GABRB2: variants seen among roughly 807,000 people sequenced by gnomAD.
GABRB2 encodes gamma-aminobutyric acid receptor subunit beta-2.
In GABRB2, 16 loss-of-function variants were observed where a neutral mutation model predicts 54.7. That is an observed-to-expected ratio of 0.29 (90% confidence interval 0.20 to 0.44). The LOEUF (loss-of-function observed/expected upper bound fraction) is 0.44, where lower values mean the gene tolerates loss of function less well. Ranked by LOEUF, GABRB2 falls within the 20% of genes least tolerant of loss-of-function variation. GABRB2 has a pLI of 1.00. For synonymous variants in GABRB2, 244 were observed against 233.8 expected (o/e 1.04, Z -0.40); for missense variants, 355 against 644.0 (o/e 0.55, Z 4.86).
intron 5 of GABRB2, among the ~76,000 whole-genome samples, chr5:161,337,539 T>C (rs1412122811): frequency 2.0e-5 from 3 of 152,096 alleles, no homozygotes; most frequent in African/African-American, 4.8e-5. Flanking sequence ...ACACCTACTA[T>C]GCATATCAGG....
At chr5:161,343,134 C>T (rs962422520) in intron 5 of GABRB2, among the ~76,000 whole-genome samples, 4 of 152,022 alleles carry the variant, frequency 2.6e-5, no homozygotes, top group African/African-American at 9.7e-5. Flanking sequence ...CGAAAGTGTT[C>T]CAAAGACACT....
intron 8 of GABRB2, 89 bp downstream of exon 8, chr5:161,330,794 C>T (rs757626807): frequency 6.4e-7 from 1 of 1,559,314 alleles, no homozygotes; most frequent in South Asian, 1.2e-5. Flanking sequence ...GGCTTGGTTT[C>T]CTCATTTGCT....
chr5:161,478,138 A>G (rs1332347425), intron 3 of GABRB2, among the ~76,000 whole-genome samples: 3 of 151,998 alleles, frequency 2.0e-5, no homozygotes, highest in East Asian at 1.9e-4. Context: ...CAAATAAACC[A>G]TATTAATCAC....
rs547275066 is a variant in GABRB2, at chr5:161,541,523, T to C, written c.237+3704A>G. ...AGCCAGCCATCTTCACTGATTACCT[T>C]GCATCTTCTGCATAAATTGCTGTAG... On this transcript the variant is annotated intron_variant, in intron 3 of 9. Transcript: ENST00000393959. Among the ~76,000 whole-genome samples the C allele has an allele frequency of 8.5e-5, 13 of 152,350 alleles. No individual in the cohort carries two copies. In the Middle Eastern group the frequency reaches 0.01, roughly 120 times the overall value.
chr5:161,314,195 G>A (rs1757958467), intron 9 of GABRB2, among the ~76,000 whole-genome samples: 1 of 152,216 alleles, frequency 6.6e-6, no homozygotes, highest in African/African-American at 2.4e-5. Context: ...TGCTTTCAAG[G>A]TGGCAGCTGG....
intron 4 of GABRB2, among the ~76,000 whole-genome samples, chr5:161,444,521 A>G (rs956700881): frequency 6.6e-6 from 1 of 152,186 alleles, no homozygotes; most frequent in African/African-American, 2.4e-5. Context: ...AGAATATCGC[A>G]GTGATTGCAA....
At chr5:161,412,462 C>T (rs1756544383) in intron 4 of GABRB2, among the ~76,000 whole-genome samples, 2 of 152,292 alleles carry the variant, frequency 1.3e-5, no homozygotes, top group South Asian at 4.1e-4. Flanking sequence ...ATCCAAATCA[C>T]TGCAGGAGCT....
chr5:161,463,968 T>C (rs2113278454), intron 3 of GABRB2, among the ~76,000 whole-genome samples: 1 of 152,114 alleles, frequency 6.6e-6, no homozygotes, highest in Non-Finnish European at 1.5e-5. Flanking sequence ...TGTCATCGAC[T>C]TAAGTGTAAA....
intron 9 of GABRB2, among the ~76,000 whole-genome samples, chr5:161,298,698 T>C (rs1239528876): frequency 3.9e-5 from 6 of 152,226 alleles, no homozygotes; most frequent in African/African-American, 1.2e-4. Flanking sequence ...CTCAAGTACC[T>C]GAGATCTGTA....
intron 3 of GABRB2, among the ~76,000 whole-genome samples, chr5:161,463,356 C>G (rs1162025675): frequency 6.8e-6 from 1 of 146,704 alleles, no homozygotes; most frequent in Non-Finnish European, 1.5e-5. Context: ...CACCTGCAGC[C>G]AAAAGTATAA....
intron 9 of GABRB2, among the ~76,000 whole-genome samples, chr5:161,308,850 C>G (rs1227710454): frequency 6.6e-6 from 1 of 152,138 alleles, no homozygotes; most frequent in African/African-American, 2.4e-5. Flanking sequence ...ACACTATGTA[C>G]AAAAATTAAC....
At chr5:161,345,215 T>C (rs1322580756) in intron 5 of GABRB2, among the ~76,000 whole-genome samples, 6 of 151,954 alleles carry the variant, frequency 3.9e-5, no homozygotes, top group African/African-American at 1.4e-4. Context: ...AAAAATTTAA[T>C]CAGTATACTT....
chr5:161,445,395 A>G (rs904758131), intron 4 of GABRB2, among the ~76,000 whole-genome samples: 1 of 152,066 alleles, frequency 6.6e-6, no homozygotes, highest in Non-Finnish European at 1.5e-5. Flanking sequence ...GTGCTTTTTG[A>G]ATGTAAACTA....
chr5:161,332,821 T>C (rs967034177), intron 7 of GABRB2, among the ~76,000 whole-genome samples: 1 of 152,212 alleles, frequency 6.6e-6, no homozygotes, highest in Non-Finnish European at 1.5e-5. Flanking sequence ...ATTTTGTTTT[T>C]ATACTCCACC....
At chr5:161,435,822 T>C (rs758746597) in intron 4 of GABRB2, among the ~76,000 whole-genome samples, 6 of 152,202 alleles carry the variant, frequency 3.9e-5, no homozygotes, top group African/African-American at 7.2e-5. Context: ...ATATCCTAAG[T>C]TGAATAAATA....
chr5:161,422,847 C>T (rs943106568), intron 4 of GABRB2, among the ~76,000 whole-genome samples: 1 of 152,058 alleles, frequency 6.6e-6, no homozygotes, highest in Non-Finnish European at 1.5e-5. Context: ...ACTGCATGTG[C>T]CATTTAAATG....
chr5:161,407,392 C>T (rs1293970981), intron 5 of GABRB2, among the ~76,000 whole-genome samples: 1 of 151,968 alleles, frequency 6.6e-6, no homozygotes, highest in Non-Finnish European at 1.5e-5. Flanking sequence ...TTTCAATGTC[C>T]TCCTGACAAT....
At chr5:161,456,639 A>T (rs1757962619) in intron 4 of GABRB2, among the ~76,000 whole-genome samples, 1 of 152,204 alleles carries the variant, frequency 6.6e-6, no homozygotes, top group African/African-American at 2.4e-5. Context: ...TTCATGTAAG[A>T]TGGAGAAAAT....
At chr5:161,393,726 A>G (rs1211835857) in intron 5 of GABRB2, among the ~76,000 whole-genome samples, 4 of 152,138 alleles carry the variant, frequency 2.6e-5, no homozygotes, top group Non-Finnish European at 5.9e-5. Context: ...CTCAGTGTAT[A>G]TGGAACAAAT....
Sources: allele counts gnomAD v4.1 joint callset (sites outside exome capture counted in the v4.1 genomes callset), GRCh38; gene constraint gnomAD v4.1.1; transcripts MANE v1.5; gene names NCBI Gene and HGNC (gene_info 2026-07-23, HGNC 2026-07-21).